Variants in DYNC2H1 observed in about 807,000 individuals in gnomAD.
DYNC2H1 encodes cytoplasmic dynein 2 heavy chain 1.
Under a neutral mutation model 570.0 loss-of-function variants are expected in DYNC2H1, and 410 were observed. That is an observed-to-expected ratio of 0.72 (90% CI 0.66 to 0.78). The LOEUF is 0.78. Among genes scored for constraint, DYNC2H1 ranks in the 30% least tolerant of loss-of-function variants. DYNC2H1 has a pLI of 0.00. For missense variants in DYNC2H1, 4,865 were observed against 5,046.4 expected, an observed-to-expected ratio of 0.96 and a Z score of 1.09; for synonymous variants, 1,688 against 1,677.6, an observed-to-expected ratio of 1.01 and a Z score of -0.15.
At chr11:103,121,566 C>T in intron 10 of DYNC2H1, 70 bp downstream of exon 10, 1 of 1,478,754 alleles carries the variant, frequency 6.8e-7, no homozygotes, top group Non-Finnish European at 9.1e-7. Context: ...GTAGAAGGTA[C>T]TCTAGAGCTG....
At chr11:103,449,668 T>G (rs1987507) in intron 85 of DYNC2H1, among the ~76,000 whole-genome samples, 54,023 of 139,510 alleles carry the variant, frequency 0.39, 10,181 homozygotes, top group African/African-American at 0.54. Context: ...ATTATTCATT[T>G]TCATTATTAT....
chr11:103,148,714 C>G lies in DYNC2H1; in HGVS notation c.2946+97C>G, dbSNP rs2514000. The G allele has an allele frequency of 0.72, 1,002,049 of 1,384,550 alleles. 365,550 individuals are homozygous for G. The highest frequency in any genetic ancestry group is 0.79 in the Admixed American group (34,306 of 43,624). The allele number at this position is 1,384,550 out of a possible 1,614,324, so 85.8% of individuals were successfully genotyped here. The stretch of plus-strand genomic sequence containing the variant: ...ATGTCATTATTTACAAATATATAAT[C>G]TCAACATTATAAGGAGGTCCACAAT... On this transcript the variant is annotated intron_variant, in intron 20 of 88. Coordinates refer to ENST00000375735, the MANE Select transcript of DYNC2H1 (RefSeq NM_001377.3).
intron 29 of DYNC2H1, among the ~76,000 whole-genome samples, chr11:103,162,456 T>C (rs928087079): frequency 6.6e-6 from 1 of 152,216 alleles, no homozygotes; most frequent in Non-Finnish European, 1.5e-5. Context: ...ATTTTATATA[T>C]AATCAAGTGA....
At chr11:103,317,067 A>G (rs1052385609) in intron 80 of DYNC2H1, among the ~76,000 whole-genome samples, 1 of 152,162 alleles carries the variant, frequency 6.6e-6, no homozygotes, top group Non-Finnish European at 1.5e-5. Context: ...CCCTAAGGCC[A>G]TCTAGCTATC....
intron 21 of DYNC2H1, 70 bp from the exon 22 acceptor site, chr11:103,153,233 G>T (rs1860652631): frequency 7.5e-7 from 1 of 1,325,978 alleles, no homozygotes; most frequent in Admixed American, 3.3e-5. Flanking sequence ...GAAAATATTA[G>T]AAAGAAAAGT....
chr11:103,346,762 A>C (rs1939765089), intron 82 of DYNC2H1, among the ~76,000 whole-genome samples: 1 of 152,208 alleles, frequency 6.6e-6, no homozygotes, highest in South Asian at 2.1e-4. Context: ...AAGATAACAA[A>C]AGAAAAGTTG....
chr11:103,333,010 A>G (rs1283525005), intron 82 of DYNC2H1, among the ~76,000 whole-genome samples: 1 of 149,294 alleles, frequency 6.7e-6, no homozygotes, highest in Non-Finnish European at 1.5e-5. Flanking sequence ...CTCAAAAAAA[A>G]AAAAATCTTT....
intron 82 of DYNC2H1, among the ~76,000 whole-genome samples, chr11:103,347,644 T>C (rs1469996599): frequency 6.6e-6 from 1 of 152,168 alleles, no homozygotes; most frequent in Non-Finnish European, 1.5e-5. Flanking sequence ...TCTTTGAAAA[T>C]GTTCATAGTA....
In DYNC2H1 at chr11:103,254,216, T is replaced by C. The variant is rs1049946918; in HGVS notation, c.10206+768T>C. ...ATCTTTTGATTGACTTGATGATACTTCTTTTAAATAAAACAATGTGACAAT... is the reference window on the plus strand; with the variant it reads ...ATCTTTTGATTGACTTGATGATACTCCTTTTAAATAAAACAATGTGACAAT... On this transcript the variant is annotated intron_variant, in intron 66 of 88. Transcript: ENST00000375735. The surrounding 1 kb of genome is among the most constrained non-coding windows in gnomAD (Gnocchi z 4.9). Among the ~76,000 whole-genome samples, 15 of 152,196 alleles carry C rather than the reference T, an allele frequency of 9.9e-5. No individual in the cohort carries two copies. The highest frequency in any genetic ancestry group is 7.2e-4 in the Admixed American group (11 of 15,280).
chr11:103,287,712 T>C, intron 75 of DYNC2H1, 107 bp downstream of exon 75: 2 of 892,972 alleles, frequency 2.2e-6, no homozygotes, highest in South Asian at 4.2e-5. Context: ...TAATGTCTCT[T>C]TTATTCATTC....
At chr11:103,130,153 A>G (rs1859199365) in intron 13 of DYNC2H1, among the ~76,000 whole-genome samples, 1 of 152,130 alleles carries the variant, frequency 6.6e-6, no homozygotes, top group South Asian at 2.1e-4. Context: ...ATCATTAGAG[A>G]CTCAAAACCT....
At chr11:103,242,782 G>A (rs1011693394) in intron 63 of DYNC2H1, among the ~76,000 whole-genome samples, 17 of 151,852 alleles carry the variant, frequency 1.1e-4, no homozygotes, top group Non-Finnish European at 1.9e-4. Context: ...GTGCAGTGGC[G>A]TGATCTTGGC....
At chr11:103,290,918 ACT>A (rs1281899894) in intron 75 of DYNC2H1, among the ~76,000 whole-genome samples, 3 of 152,042 alleles carry the variant, frequency 2.0e-5, no homozygotes, top group Non-Finnish European at 4.4e-5. Flanking sequence ...CTAGAGAAGG[ACT>A]CTGATTTACT....
intron 70 of DYNC2H1, among the ~76,000 whole-genome samples, chr11:103,263,110 A>G (rs904655654): frequency 6.6e-6 from 1 of 152,014 alleles, no homozygotes; most frequent in African/African-American, 2.4e-5. Context: ...CAAAAAAGAC[A>G]AGGGCATTGC....
In DYNC2H1 at chr11:103,116,688, G is replaced by A. The variant is rs761391585; in HGVS notation, c.740G>A (p.Arg247Gln). ...GAACATGATCATTATCCTGAGTCAC[G>A]AATGTTGCATCTCTTAGACATCATA... is the stretch of plus-strand genomic sequence containing the variant. ...QTEHDHYPES[R>Q]MLHLLDIIGG... Residue 247 changes from arginine to glutamine, a missense_variant, in exon 5 of 89, where the codon CGA (arginine) becomes CAA (glutamine). Arg to Gln is a conservative substitution (Grantham distance 43). Around this residue, in one of 5 missense-constraint regions of DYNC2H1, gnomAD observed 1,936 missense variants for 1,962.1 expected, o/e 0.99. Coordinates refer to ENST00000375735, the MANE Select transcript of DYNC2H1 (RefSeq NM_001377.3). 8.7e-6 allele frequency: 14 copies of A among 1,602,814 alleles called. No individual in the cohort carries two copies. Among genetic ancestry groups the A allele is most frequent in the African/African-American group, 8.1e-5 (6 of 74,524 alleles).
At chr11:103,374,619 C>T (rs895211849) in intron 83 of DYNC2H1, among the ~76,000 whole-genome samples, 2 of 152,086 alleles carry the variant, frequency 1.3e-5, no homozygotes, top group African/African-American at 4.8e-5. Flanking sequence ...GAAGTCCAGG[C>T]TGAGGTGGTC....
In DYNC2H1 at chr11:103,117,071, G is replaced by A. The variant is rs1031785003; in HGVS notation, c.766+357G>A. Among the ~76,000 whole-genome samples, 3 of 150,274 alleles carry A rather than the reference G, an allele frequency of 2.0e-5. No homozygotes were observed. The South Asian group carries it at 6.2e-4, about 31-fold the overall frequency. ...GTCATTATTTTATAAGGAAATGTCAGATAAGTACATAAGGTTATATGTACA... is the reference window on the plus strand; with the variant it reads ...GTCATTATTTTATAAGGAAATGTCAAATAAGTACATAAGGTTATATGTACA... On this transcript the variant is annotated intron_variant, in intron 5 of 88. Transcript: ENST00000375735.
chr11:103,433,385 A>G (rs1402391080), intron 84 of DYNC2H1, among the ~76,000 whole-genome samples: 1 of 152,112 alleles, frequency 6.6e-6, no homozygotes, highest in Middle Eastern at 3.2e-3. Flanking sequence ...TAACTCTCTT[A>G]ACCATCTATA....
At chr11:103,413,247 A>G (rs1341398054) in intron 84 of DYNC2H1, among the ~76,000 whole-genome samples, 1 of 152,174 alleles carries the variant, frequency 6.6e-6, no homozygotes, top group African/African-American at 2.4e-5. Flanking sequence ...TTTTGTTAAA[A>G]GCCTATTTTT....
Sources: allele counts gnomAD v4.1 joint callset (sites outside exome capture counted in the v4.1 genomes callset), GRCh38; gene constraint gnomAD v4.1.1; regional missense constraint gnomAD v4.1.1; non-coding constraint Gnocchi (gnomAD v3.1); transcripts MANE v1.5; gene names NCBI Gene and HGNC (gene_info 2026-07-23, HGNC 2026-07-21).